Variants in SVIL observed in about 807,000 individuals in gnomAD.
SVIL encodes supervillin.
SVIL carries 101 observed loss-of-function variants against 240.4 expected under a neutral mutation model. The observed-to-expected ratio is 0.42, with a 90% CI of 0.36 to 0.50. The LOEUF (loss-of-function observed/expected upper bound fraction) is 0.50, where lower values mean the gene tolerates loss of function less well. Ranked by LOEUF, SVIL falls within the 20% of genes least tolerant of loss-of-function variation. The pLI, the probability that SVIL is intolerant of heterozygous loss-of-function variation, is 0.01. For missense variants in SVIL, 2,512 were observed against 2,818.7 expected, an observed-to-expected ratio of 0.89 and a Z score of 2.46; for synonymous variants, 999 against 1,100.0, an observed-to-expected ratio of 0.91 and a Z score of 1.82.
At chr10:29,516,873 A>G (rs1208860628) in intron 16 of SVIL, among the ~76,000 whole-genome samples, 1 of 152,216 alleles carries the variant, frequency 6.6e-6, no homozygotes. Context: ...TCAGGCTCAG[A>G]GCAGTCAGGG....
upstream of SVIL, among the ~76,000 whole-genome samples, chr10:29,736,221 C>A (rs1039582383): frequency 1.3e-5 from 2 of 152,210 alleles, no homozygotes; most frequent in Admixed American, 6.5e-5. Flanking sequence ...GGTCCAGCCG[C>A]GTCCTCGGAG....
chr10:29,730,454 G>A (rs1024009147), intron 1 of SVIL, among the ~76,000 whole-genome samples: 3 of 152,140 alleles, frequency 2.0e-5, no homozygotes, highest in African/African-American at 4.8e-5. Flanking sequence ...CTCAACCGTG[G>A]AGCCTCAGTT....
chr10:29,472,185 G>A (rs1019127573), intron 30 of SVIL, among the ~76,000 whole-genome samples: 1 of 152,214 alleles, frequency 6.6e-6, no homozygotes, highest in East Asian at 1.9e-4. Flanking sequence ...TCAAATGAGA[G>A]AGATTAAGAC....
In SVIL at chr10:29,563,231, C is replaced by A; in HGVS notation, c.-81G>T. 2.0e-6 allele frequency: 2 copies of A among 985,700 alleles called. No individual in the cohort carries two copies. Among genetic ancestry groups the A allele is most frequent in the Non-Finnish European group, 2.4e-6 (2 of 829,844 alleles). The allele number at this position is 985,700 out of a possible 1,614,324, so 61.1% of individuals were successfully genotyped here. On this transcript the variant is annotated 5_prime_UTR_variant, in exon 3 of 38. Coordinates refer to ENST00000355867, the MANE Select transcript of SVIL (RefSeq NM_021738.3). ...GGAAGTGCAACTAAAAGCTGAGCAT[C>A]GATTCCTCTTTCGTGGTTAGCGAGC...
intron 21 of SVIL, 92 bp downstream of exon 21, chr10:29,493,122 G>A (rs1948123978): frequency 7.2e-7 from 1 of 1,390,906 alleles, no homozygotes; most frequent in African/African-American, 1.4e-5. Flanking sequence ...GGAGAAGGAG[G>A]CCACACTGGG....
intron 1 of SVIL, among the ~76,000 whole-genome samples, chr10:29,617,816 T>C (rs1468739173): frequency 3.3e-5 from 5 of 152,312 alleles, no homozygotes; most frequent in African/African-American, 4.8e-5. Flanking sequence ...TGGCTCTCTA[T>C]GGAACAATAG....
chr10:29,646,849 G>A (rs17778999), intron 3 of SVIL, among the ~76,000 whole-genome samples: 24,820 of 152,082 alleles, frequency 0.16, 2,129 homozygotes, highest in Middle Eastern at 0.24. Flanking sequence ...GAAGCAGGGA[G>A]TAGCAATGCC....
At chr10:29,651,944 T>A (rs1355549996) in intron 3 of SVIL, among the ~76,000 whole-genome samples, 1 of 152,058 alleles carries the variant, frequency 6.6e-6, no homozygotes, top group Non-Finnish European at 1.5e-5. Context: ...TCCTCACTTG[T>A]CCTCACTCCC....
chr10:29,500,451 T>C (rs902206586), intron 17 of SVIL, among the ~76,000 whole-genome samples: 4 of 152,092 alleles, frequency 2.6e-5, no homozygotes, highest in African/African-American at 2.4e-5. Context: ...ACCTGCTGGT[T>C]TCTGGAAGGG....
chr10:29,523,096 G>A (rs1950668432), intron 15 of SVIL, among the ~76,000 whole-genome samples: 1 of 152,164 alleles, frequency 6.6e-6, no homozygotes, highest in African/African-American at 2.4e-5. Flanking sequence ...TTCAGAGACT[G>A]GGGTCAAGTC....
chr10:29,504,951 C>T (rs1811923769), intron 17 of SVIL, among the ~76,000 whole-genome samples: 1 of 152,202 alleles, frequency 6.6e-6, no homozygotes. Context: ...AAGCTGTCCT[C>T]CAGTAGATTA....
intron 1 of SVIL, among the ~76,000 whole-genome samples, chr10:29,571,012 C>T (rs1589292255): frequency 6.6e-6 from 1 of 152,152 alleles, no homozygotes; most frequent in Non-Finnish European, 1.5e-5. Flanking sequence ...GCTGGAAAAC[C>T]CTGGGCTTCT....
chr10:29,718,141 C>T (rs1963743085), intron 1 of SVIL, among the ~76,000 whole-genome samples: 1 of 151,958 alleles, frequency 6.6e-6, no homozygotes, highest in Admixed American at 6.6e-5. Context: ...TCCTGGCTAA[C>T]ATGGTGAAAT....
chr10:29,491,430 A>T (rs1440744099), intron 21 of SVIL, among the ~76,000 whole-genome samples: 2 of 152,122 alleles, frequency 1.3e-5, no homozygotes, highest in East Asian at 3.9e-4. Flanking sequence ...CCCTTCGGGA[A>T]TTTGCACGGG....
At chr10:29,595,721 G>A (rs982227623) in intron 1 of SVIL, among the ~76,000 whole-genome samples, 2 of 152,118 alleles carry the variant, frequency 1.3e-5, no homozygotes, top group Non-Finnish European at 2.9e-5. Flanking sequence ...GGCCCATATC[G>A]TCCAAGCAGG....
At chr10:29,614,469 T>C (rs1564702809) in intron 1 of SVIL, among the ~76,000 whole-genome samples, 1 of 152,132 alleles carries the variant, frequency 6.6e-6, no homozygotes. Flanking sequence ...CACCATGGAA[T>C]ACTATGCAGC....
intron 2 of SVIL, among the ~76,000 whole-genome samples, chr10:29,685,928 C>T (rs1347559433): frequency 6.6e-6 from 1 of 152,174 alleles, no homozygotes; most frequent in Non-Finnish European, 1.5e-5. Flanking sequence ...CAATGGAGAG[C>T]TTCGTCCAGG....
intron 29 of SVIL, among the ~76,000 whole-genome samples, chr10:29,477,404 C>T (rs1190139710): frequency 2.6e-5 from 4 of 152,210 alleles, no homozygotes; most frequent in African/African-American, 7.2e-5. Context: ...GAGCAGCTGT[C>T]GCGACCCTGC....
Position 29,723,346 on chromosome 10 carries a change from C to T in SVIL, c.-400+12405G>A, listed in dbSNP as rs535315071. Among the ~76,000 whole-genome samples, 3 of 152,322 alleles carry T rather than the reference C, an allele frequency of 2.0e-5. No homozygotes were observed. In the South Asian group the frequency reaches 6.2e-4, roughly 32 times the overall value. On this transcript the variant is annotated intron_variant, in intron 1 of 35. Coordinates refer to the SVIL transcript ENST00000375400. ...AGTGAGCTGGGATCGTGCTATTGCA[C>T]TCTAGCCTGGGTTACGGAGTGAGAT... is the stretch of plus-strand genomic sequence containing the variant.
Sources: gnomAD v4.1 joint callset for allele counts (sites outside exome capture counted in the v4.1 genomes callset) on GRCh38, gnomAD v4.1.1 for gene constraint, MANE v1.5 for transcripts, NCBI Gene and HGNC (gene_info 2026-07-23, HGNC 2026-07-21) for gene names.